SUCLG2: variants seen among roughly 807,000 people sequenced by gnomAD.
SUCLG2 encodes the protein succinate-CoA ligase GDP-forming subunit beta, also known as succinate--CoA ligase [GDP-forming] subunit beta, mitochondrial.
In SUCLG2, 42 loss-of-function variants were observed where a neutral mutation model predicts 47.9. The observed-to-expected ratio is 0.88, with a 90% CI of 0.69 to 1.14. The LOEUF is 1.14. Among genes scored for constraint, SUCLG2 ranks in the 50% most tolerant of loss-of-function variants. The pLI, the probability that SUCLG2 is intolerant of heterozygous loss-of-function variation, is 0.00. For missense variants in SUCLG2, 571 were observed against 525.9 expected (o/e 1.09, Z -0.84); for synonymous variants, 195 against 197.3 (o/e 0.99, Z 0.10).
At chr3:67,403,218 GACTT>G (rs1333646022) in intron 9 of SUCLG2, among the ~76,000 whole-genome samples, 1 of 152,164 alleles carries the variant, frequency 6.6e-6, no homozygotes, top group Non-Finnish European at 1.5e-5. Context: ...GGTTTTGTTA[GACTT>G]ACTGAGAAAT....
rs1346677630 is a variant in SUCLG2, at chr3:67,583,643, G to A, written c.226+25812C>T. On this transcript the variant is annotated intron_variant, in intron 2 of 10. Transcript: ENST00000307227. ...CAAGCTAAAATCAAGCTACTGGCTG[G>A]AACTATGATTCTTATTTGCAGCTTA... Among the ~76,000 whole-genome samples, 4 of 152,188 alleles carry A rather than the reference G, an allele frequency of 2.6e-5. No homozygotes were observed. In the East Asian group the frequency reaches 5.8e-4, roughly 22 times the overall value.
intron 2 of SUCLG2, among the ~76,000 whole-genome samples, chr3:67,557,437 C>G (rs1361921369): frequency 1.3e-5 from 2 of 152,142 alleles, no homozygotes; most frequent in African/African-American, 4.8e-5. Context: ...AGCCAGTGCC[C>G]TCACTGAGCC....
chr3:67,570,135 AATC>A (rs1013356138), intron 2 of SUCLG2, among the ~76,000 whole-genome samples: 4 of 152,350 alleles, frequency 2.6e-5, no homozygotes, highest in African/African-American at 9.6e-5. Flanking sequence ...GCAAGGAGGT[AATC>A]ATCTGCAAGT....
chr3:67,530,691 C>T (rs1297163676), intron 2 of SUCLG2, among the ~76,000 whole-genome samples: 1 of 152,210 alleles, frequency 6.6e-6, no homozygotes, highest in Non-Finnish European at 1.5e-5. Context: ...ACTCAGAAAG[C>T]TGAAGCCCAC....
chr3:67,389,460 G>T (rs1014666126), intron 10 of SUCLG2, among the ~76,000 whole-genome samples: 1 of 152,176 alleles, frequency 6.6e-6, no homozygotes, highest in African/African-American at 2.4e-5. Context: ...TTCAAAGATA[G>T]CTCAGTGAAA....
intron 9 of SUCLG2, among the ~76,000 whole-genome samples, chr3:67,465,498 C>T (rs1005239108): frequency 6.6e-6 from 1 of 152,234 alleles, no homozygotes; most frequent in Admixed American, 6.5e-5. Context: ...GCCACCCCAT[C>T]TACAGCAATT....
intron 6 of SUCLG2, among the ~76,000 whole-genome samples, chr3:67,509,315 G>A (rs1468115596): frequency 6.6e-6 from 1 of 152,166 alleles, no homozygotes; most frequent in Non-Finnish European, 1.5e-5. Context: ...AAATAAAACA[G>A]TTATTATATT....
intron 10 of SUCLG2, among the ~76,000 whole-genome samples, chr3:67,378,726 G>A (rs1702088076): frequency 6.6e-6 from 1 of 152,218 alleles, no homozygotes; most frequent in Non-Finnish European, 1.5e-5. Context: ...TTTGTTAAGT[G>A]CTGATAGGTA....
intron 10 of SUCLG2, among the ~76,000 whole-genome samples, chr3:67,396,379 G>T (rs1365129262): frequency 3.9e-5 from 6 of 152,006 alleles, no homozygotes. Flanking sequence ...TACCATCAGA[G>T]AATACTACAA....
intron 2 of SUCLG2, among the ~76,000 whole-genome samples, chr3:67,559,238 T>C (rs1241393133): frequency 6.6e-6 from 1 of 152,144 alleles, no homozygotes; most frequent in East Asian, 1.9e-4. Flanking sequence ...TTTTCGATTG[T>C]AGTATGAACG....
intron 1 of SUCLG2, among the ~76,000 whole-genome samples, chr3:67,634,372 A>T (rs964914880): frequency 6.6e-6 from 1 of 152,198 alleles, no homozygotes. Flanking sequence ...TGCTTGAGCA[A>T]GACCCACTCT....
At chr3:67,532,001 A>G (rs535979608) in intron 2 of SUCLG2, among the ~76,000 whole-genome samples, 1 of 152,260 alleles carries the variant, frequency 6.6e-6, no homozygotes, top group African/African-American at 2.4e-5. Flanking sequence ...CCCAATCCTG[A>G]ACGGTATTAG....
At chr3:67,417,052 G>A (rs77836520) in intron 9 of SUCLG2, among the ~76,000 whole-genome samples, 2 of 151,704 alleles carry the variant, frequency 1.3e-5, no homozygotes, top group Non-Finnish European at 2.9e-5. Flanking sequence ...TCTCTGAAAA[G>A]AAAGCTTCAG....
intron 10 of SUCLG2, among the ~76,000 whole-genome samples, chr3:67,389,189 G>A (rs1702323817): frequency 6.6e-6 from 1 of 152,090 alleles, no homozygotes; most frequent in African/African-American, 2.4e-5. Flanking sequence ...AAAAGGAGAT[G>A]AGACAACAAG....
intron 9 of SUCLG2, among the ~76,000 whole-genome samples, chr3:67,422,971 A>C (rs569886988): frequency 2.4e-4 from 36 of 152,274 alleles, no homozygotes; most frequent in African/African-American, 8.4e-4. Flanking sequence ...TTGGAGACAA[A>C]TTTATTAGGC....
chr3:67,475,737 C>A (rs1362933865), intron 9 of SUCLG2, among the ~76,000 whole-genome samples: 1 of 149,340 alleles, frequency 6.7e-6, no homozygotes, highest in African/African-American at 2.5e-5. Context: ...TTTTTGAGAG[C>A]GAGATGGAGT....
At chr3:67,430,165 A>G (rs1487617860) in intron 9 of SUCLG2, among the ~76,000 whole-genome samples, 1 of 152,236 alleles carries the variant, frequency 6.6e-6, no homozygotes, top group Non-Finnish European at 1.5e-5. Context: ...TCAGCACCAC[A>G]TTGCACTTAT....
intron 1 of SUCLG2, among the ~76,000 whole-genome samples, chr3:67,635,888 G>C (rs1004084488): frequency 1.3e-5 from 2 of 152,112 alleles, no homozygotes; most frequent in African/African-American, 4.8e-5. Context: ...CCAGCCTTTG[G>C]CACTTTCCAA....
chr3:67,494,954 G>T lies in SUCLG2; in HGVS notation c.1062+844C>A, dbSNP rs570188647. On this transcript the variant is annotated intron_variant, in intron 9 of 10. Transcript: ENST00000307227. ...AAGTTAAAAAGATGCACATGAAGCA[G>T]CAATAGTAACTATGAAACCAGGTAC... Among the ~76,000 whole-genome samples, 4 of 152,266 alleles carry T rather than the reference G, an allele frequency of 2.6e-5. No individual in the cohort carries two copies. In the South Asian group the frequency reaches 8.3e-4, roughly 32 times the overall value.
Sources: gnomAD v4.1 joint callset for allele counts (sites outside exome capture counted in the v4.1 genomes callset) on GRCh38, gnomAD v4.1.1 for gene constraint, MANE v1.5 for transcripts, NCBI Gene and HGNC (gene_info 2026-07-23, HGNC 2026-07-21) for gene names.